FANCC: variants seen among roughly 807,000 people sequenced by gnomAD.
The protein encoded by FANCC is Fanconi anemia group C protein.
A neutral mutation model predicts 71.3 loss-of-function variants in FANCC; 55 were observed. The observed-to-expected ratio is 0.77, with a 90% CI of 0.62 to 0.97. The LOEUF is 0.97. Among genes scored for constraint, FANCC ranks in the 50% least tolerant of loss-of-function variants. The pLI, the probability that FANCC is intolerant of heterozygous loss-of-function variation, is 0.00. For missense variants in FANCC, 678 were observed against 670.9 expected (o/e 1.01, Z -0.12); for synonymous variants, 275 against 244.9 (o/e 1.12, Z -1.15).
At chr9:95,162,355 C>T (rs552279308) in intron 6 of FANCC, among the ~76,000 whole-genome samples, 15 of 152,190 alleles carry the variant, frequency 9.9e-5, no homozygotes, top group South Asian at 6.2e-4. Flanking sequence ...TTCATTCGTC[C>T]GCTGATGGAC....
intron 7 of FANCC, chr9:95,145,605 G>T (rs1564692231): frequency 6.6e-6 from 1 of 152,184 alleles, no homozygotes; most frequent in South Asian, 2.1e-4. Flanking sequence ...GTAAAGAAGA[G>T]AAATCAAAGG....
At chr9:95,199,296 C>T (rs1827657018) in intron 4 of FANCC, among the ~76,000 whole-genome samples, 1 of 151,846 alleles carries the variant, frequency 6.6e-6, no homozygotes, top group African/African-American at 2.4e-5. Flanking sequence ...ATAGAGAAGC[C>T]TTCCCAGGAT....
chr9:95,205,739 C>T (rs1486297515), intron 4 of FANCC, among the ~76,000 whole-genome samples: 1 of 151,928 alleles, frequency 6.6e-6, no homozygotes, highest in Non-Finnish European at 1.5e-5. Context: ...TATCAATATT[C>T]ATTAACATTA....
At chr9:95,111,683 C>G in intron 12 of FANCC, 46 bp from the exon 13 acceptor site, 1 of 1,612,112 alleles carries the variant, frequency 6.2e-7, no homozygotes, top group Non-Finnish European at 8.5e-7. Flanking sequence ...CTAAATTCTT[C>G]TTCCTTTGGG....
At chr9:95,244,759 T>C (rs1195141341) in intron 3 of FANCC, among the ~76,000 whole-genome samples, 1 of 140,904 alleles carries the variant, frequency 7.1e-6, no homozygotes, top group Non-Finnish European at 1.5e-5. Flanking sequence ...TATGTGCAAG[T>C]GAAGCTGGCT....
intron 4 of FANCC, among the ~76,000 whole-genome samples, chr9:95,201,842 C>A (rs888903494): frequency 6.6e-6 from 1 of 152,122 alleles, no homozygotes; most frequent in African/African-American, 2.4e-5. Flanking sequence ...TTTTTTAAGT[C>A]GCAGGTTTAA....
intron 10 of FANCC, chr9:95,123,909 G>C (rs1825522061): frequency 2.3e-6 from 1 of 434,638 alleles, no homozygotes; most frequent in Non-Finnish European, 4.4e-6. Context: ...CTATTCTCTT[G>C]AGAAAAATAA....
At chr9:95,227,995 C>A (rs1829733332) in intron 4 of FANCC, among the ~76,000 whole-genome samples, 1 of 152,184 alleles carries the variant, frequency 6.6e-6, no homozygotes, top group Non-Finnish European at 1.5e-5. Context: ...TCTCTGCACT[C>A]CTCCAACAAA....
At chr9:95,158,775 G>C (rs985774945) in intron 6 of FANCC, among the ~76,000 whole-genome samples, 10 of 152,146 alleles carry the variant, frequency 6.6e-5, no homozygotes, top group African/African-American at 2.4e-4. Flanking sequence ...CATATTTCTT[G>C]GTCTCTGCCC....
chr9:95,161,760 T>C (rs932711024), intron 6 of FANCC, among the ~76,000 whole-genome samples: 2 of 152,124 alleles, frequency 1.3e-5, no homozygotes, highest in East Asian at 3.8e-4. Context: ...CAAAACTCTA[T>C]ACCCATTGAA....
intron 1 of FANCC, among the ~76,000 whole-genome samples, chr9:95,281,260 A>C (rs1191851077): frequency 6.6e-6 from 1 of 152,110 alleles, no homozygotes; most frequent in African/African-American, 2.4e-5. Context: ...TCAAAATGTC[A>C]AAGATCAAGC....
chr9:95,167,390 A>G (rs901319631), intron 6 of FANCC, among the ~76,000 whole-genome samples: 2 of 152,196 alleles, frequency 1.3e-5, no homozygotes, highest in Non-Finnish European at 2.9e-5. Context: ...ATTTCTTCAA[A>G]TAAGTTCTCT....
At position 95,296,257 on chromosome 9, in the gene FANCC, A is replaced by C. The variant is rs946345911; in HGVS notation, c.-79+21269T>G. ...ATCACACTCCAATTTAAAATGACTA[A>C]GGATCATGACCTAGACACACTAATT... On this transcript the variant is annotated intron_variant, in intron 1 of 14. Transcript: ENST00000289081. Among the ~76,000 whole-genome samples, 14 of 152,318 alleles carry C rather than the reference A, an allele frequency of 9.2e-5. No homozygotes were observed. The East Asian group carries it at 2.5e-3, about 27-fold the overall frequency.
At chr9:95,126,675 G>T in intron 8 of FANCC, 94 bp from the exon 9 acceptor site, 1 of 1,297,848 alleles carries the variant, frequency 7.7e-7, no homozygotes, top group Non-Finnish European at 1.1e-6. Flanking sequence ...GGGAACTGCT[G>T]ATGTCCAGAA....
At chr9:95,253,806 G>A (rs928938208) in intron 1 of FANCC, among the ~76,000 whole-genome samples, 2 of 151,108 alleles carry the variant, frequency 1.3e-5, no homozygotes, top group Admixed American at 6.6e-5. Flanking sequence ...GGGCAGGGAT[G>A]GGGGGGATGT....
chr9:95,228,241 G>C (rs1829751106), intron 4 of FANCC, among the ~76,000 whole-genome samples: 1 of 152,178 alleles, frequency 6.6e-6, no homozygotes, highest in South Asian at 2.1e-4. Flanking sequence ...AGCATGACAG[G>C]TGCCACATTA....
At chr9:95,171,028 A>C (rs1455526069) in intron 6 of FANCC, 51 bp downstream of exon 6, 1 of 1,456,674 alleles carries the variant, frequency 6.9e-7, no homozygotes, top group Non-Finnish European at 9.6e-7. Context: ...CTCATAACCA[A>C]ACTGATACAT....
chr9:95,172,095 A>T lies in FANCC; in HGVS notation c.398T>A (p.Leu133His). 1 of 1,613,510 alleles carries T rather than the reference A, an allele frequency of 6.2e-7. No homozygotes were observed. Among genetic ancestry groups the T allele is most frequent in the Non-Finnish European group, 8.5e-7 (1 of 1,179,538 alleles). Residue 133 changes from leucine (L) to histidine (H), a missense_variant, in exon 5 of 15, where the codon CTT (leucine) becomes CAT (histidine). By Grantham distance (99) the Leu-to-His change is moderately conservative. Coordinates refer to ENST00000289081, the MANE Select transcript of FANCC (RefSeq NM_000136.3). ...TGCATACCCAAGACCTTGAGTGAAA[A>T]GAGCAACTTCTTTATCAAATCTGAG... ...SALRFDKEVA[L>H]FTQGLGYAPI... is the part of the protein sequence containing the mutation.
chr9:95,194,503 A>T (rs1827295408), intron 4 of FANCC, among the ~76,000 whole-genome samples: 1 of 152,192 alleles, frequency 6.6e-6, no homozygotes, highest in African/African-American at 2.4e-5. Context: ...CATCTTCACC[A>T]GCATTTTAAG....
Sources: gnomAD v4.1 joint callset for allele counts (sites outside exome capture counted in the v4.1 genomes callset) on GRCh38, gnomAD v4.1.1 for gene constraint, MANE v1.5 for transcripts, NCBI Gene and HGNC (gene_info 2026-07-23, HGNC 2026-07-21) for gene names.